TSPAN15: variants seen among roughly 807,000 people sequenced by gnomAD.
TSPAN15 encodes tetraspanin-15.
A neutral mutation model predicts 34.5 loss-of-function variants in TSPAN15; 20 were observed. The ratio of observed to expected loss-of-function variants is 0.58; its 90% confidence interval spans 0.41 to 0.84. The LOEUF (loss-of-function observed/expected upper bound fraction) is 0.84. Among genes scored for constraint, TSPAN15 ranks in the 40% least tolerant of loss-of-function variants. The probability of loss-of-function intolerance (pLI) is 0.00; values close to 1 mark genes in which losing one functional copy is unlikely to be tolerated. For synonymous variants in TSPAN15, 155 were observed against 153.9 expected (o/e 1.01, Z -0.05); for missense variants, 313 against 386.1 (o/e 0.81, Z 1.59).
chr10:69,470,687 G>T (rs1293923157), intron 1 of TSPAN15, among the ~76,000 whole-genome samples: 1 of 152,118 alleles, frequency 6.6e-6, no homozygotes, highest in Non-Finnish European at 1.5e-5. Context: ...AGGAGTCCGA[G>T]ACCAGCCTGG....
At position 69,455,628 on chromosome 10, in the gene TSPAN15, C is replaced by CCCCG. The variant is rs1564595704; in HGVS notation, c.96+3941_96+3942insGCCC. ...TCTTTCTCTCTCTCTCTCTCTCTCC[C>CCCCG]CCCCCCGTCTCTTTCTTTCTTCCTT... On this transcript the variant is annotated intron_variant, in intron 1 of 7. Transcript: ENST00000373290. Among the ~76,000 whole-genome samples, 628 of 114,538 alleles carry CCCCG rather than the reference C, an allele frequency of 5.5e-3. 28 individuals are homozygous for CCCCG. Among genetic ancestry groups the CCCCG allele is most frequent in the East Asian group, 0.02 (85 of 4,240 alleles). The allele number at this position is 114,538 out of a possible 152,430, so 75.1% of individuals were successfully genotyped here.
At chr10:69,535,627 G>A in the TSPAN15 span, among the ~76,000 whole-genome samples, 1 of 152,204 alleles carries the variant, frequency 6.6e-6, no homozygotes, top group African/African-American at 2.4e-5. Context: ...TGATTTGAAA[G>A]CTTTCACCTT....
chr10:69,495,991 T>C (rs1864589), intron 4 of TSPAN15, among the ~76,000 whole-genome samples: 28,566 of 152,088 alleles, frequency 0.19, 2,877 homozygotes, highest in Non-Finnish European at 0.22. Context: ...AGTCAGGTGT[T>C]GCTACAAGCA....
chr10:69,522,087 A>G, the TSPAN15 span, among the ~76,000 whole-genome samples: 1 of 147,448 alleles, frequency 6.8e-6, no homozygotes, highest in Non-Finnish European at 1.5e-5. Flanking sequence ...GGGGCCAGAC[A>G]TGGTGGTTCA....
the TSPAN15 span, among the ~76,000 whole-genome samples, chr10:69,542,277 C>T: frequency 6.6e-6 from 1 of 152,200 alleles, no homozygotes; most frequent in Non-Finnish European, 1.5e-5. Context: ...ACTTCATTGT[C>T]CACATCACTA....
chr10:69,454,379 G>T (rs566774701), intron 1 of TSPAN15, among the ~76,000 whole-genome samples: 5 of 152,216 alleles, frequency 3.3e-5, no homozygotes, highest in African/African-American at 1.2e-4. Context: ...TTAGCCAGGC[G>T]TGGTGGTGTG....
the TSPAN15 span, among the ~76,000 whole-genome samples, chr10:69,541,740 T>C: frequency 6.6e-6 from 1 of 152,266 alleles, no homozygotes; most frequent in Non-Finnish European, 1.5e-5. Flanking sequence ...GTTCAACACC[T>C]GTAAGCTGCC....
At chr10:69,524,357 T>G in the TSPAN15 span, among the ~76,000 whole-genome samples, 1 of 147,662 alleles carries the variant, frequency 6.8e-6, no homozygotes, top group African/African-American at 2.5e-5. Flanking sequence ...TCCCAGCTAC[T>G]CAGGAGGCTG....
downstream of TSPAN15, among the ~76,000 whole-genome samples, chr10:69,511,310 T>C (rs1238571049): frequency 6.6e-6 from 1 of 152,002 alleles, no homozygotes; most frequent in Non-Finnish European, 1.5e-5. Context: ...CTTGTGGGGG[T>C]GTATGTGTCC....
intron 1 of TSPAN15, among the ~76,000 whole-genome samples, chr10:69,467,000 C>T (rs1841398116): frequency 6.6e-6 from 1 of 152,218 alleles, no homozygotes; most frequent in Non-Finnish European, 1.5e-5. Flanking sequence ...CGCCAGCCCT[C>T]TGGGAGCCCG....
intron 1 of TSPAN15, among the ~76,000 whole-genome samples, chr10:69,480,746 A>G (rs1056878247): frequency 6.6e-6 from 1 of 151,880 alleles, no homozygotes; most frequent in African/African-American, 2.4e-5. Context: ...CACCCAGGCT[A>G]GAGTGCAGTG....
At chr10:69,539,461 A>AAGAAGAAGAAGAAGG in the TSPAN15 span, among the ~76,000 whole-genome samples, 1 of 48,896 alleles carries the variant, frequency 2.0e-5, no homozygotes, top group African/African-American at 7.3e-5. Context: ...GAAGAAGAAG[A>AAGAAGAAGAAGAAGG]AGGAGAAGGA....
chr10:69,462,937 G>A (rs1841302537), intron 1 of TSPAN15, among the ~76,000 whole-genome samples: 1 of 152,206 alleles, frequency 6.6e-6, no homozygotes, highest in Non-Finnish European at 1.5e-5. Context: ...ATGTGGGCGA[G>A]GAAGGGCTGG....
At chr10:69,539,470 G>GA in the TSPAN15 span, among the ~76,000 whole-genome samples, 54 of 59,172 alleles carry the variant, frequency 9.1e-4, 2 homozygotes, top group East Asian at 7.3e-3. Context: ...GAAGGAGAAG[G>GA]AGAAGGAGAA....
At chr10:69,545,996 C>CA in the TSPAN15 span, among the ~76,000 whole-genome samples, 1,210 of 149,572 alleles carry the variant, frequency 8.1e-3, 18 homozygotes, top group African/African-American at 0.028. Flanking sequence ...AACAAACAAA[C>CA]AAACAAAAAA....
chr10:69,538,725 C>T, the TSPAN15 span, among the ~76,000 whole-genome samples: 1 of 152,214 alleles, frequency 6.6e-6, no homozygotes, highest in Admixed American at 6.5e-5. Context: ...GAGATCATGA[C>T]CAGCCTGAGA....
chr10:69,489,175 G>A (rs965072096), intron 3 of TSPAN15, among the ~76,000 whole-genome samples: 2 of 152,244 alleles, frequency 1.3e-5, no homozygotes, highest in East Asian at 3.9e-4. Flanking sequence ...AGAATTTAGC[G>A]ATATCTTCCC....
rs148278284 is a variant in TSPAN15 at position 69,460,653 on chromosome 10, C to T, written c.96+8963C>T. ...CCTGACTGTGGTGGCCTGACCACCA[C>T]ATTTTGCTTCATCTCTTTGGATTCT... On this transcript the variant is annotated intron_variant, in intron 1 of 7. Transcript: ENST00000373290. Among the ~76,000 whole-genome samples, 317 of 152,258 alleles carry T rather than the reference C, an allele frequency of 2.1e-3. 1 individual carries two copies. Among genetic ancestry groups the T allele is most frequent in the African/African-American group, 7.1e-3 (295 of 41,562 alleles).
chr10:69,461,453 A>G (rs1353885499), intron 1 of TSPAN15, among the ~76,000 whole-genome samples: 4 of 152,042 alleles, frequency 2.6e-5, no homozygotes, highest in African/African-American at 9.7e-5. Flanking sequence ...CCTGCCTGGG[A>G]GAGCAGGAAC....
Sources: gnomAD v4.1 joint callset for allele counts (sites outside exome capture counted in the v4.1 genomes callset) on GRCh38, gnomAD v4.1.1 for gene constraint, MANE v1.5 for transcripts, NCBI Gene and HGNC (gene_info 2026-07-23, HGNC 2026-07-21) for gene names.